PLCXD3: variants seen among roughly 807,000 people sequenced by gnomAD.
The protein encoded by PLCXD3 is PI-PLC X domain-containing protein 3.
A neutral mutation model predicts 25.5 loss-of-function variants in PLCXD3; 19 were observed. That is an observed-to-expected ratio of 0.75 (90% CI 0.52 to 1.09). The LOEUF is 1.09. Ranked by LOEUF, PLCXD3 falls within the 50% of genes least tolerant of loss-of-function variation. The pLI is 0.00. For synonymous variants in PLCXD3, 174 were observed against 137.6 expected (o/e 1.26, Z -1.85); for missense variants, 411 against 388.1 (o/e 1.06, Z -0.50).
chr5:41,414,950 G>C (rs766160481), intron 1 of PLCXD3, among the ~76,000 whole-genome samples: 2 of 152,172 alleles, frequency 1.3e-5, no homozygotes, highest in Non-Finnish European at 2.9e-5. Context: ...AATGATGCTG[G>C]TATATTGTTA....
chr5:41,446,125 T>G (rs1252366302), intron 1 of PLCXD3, among the ~76,000 whole-genome samples: 2 of 127,004 alleles, frequency 1.6e-5, no homozygotes, highest in African/African-American at 5.7e-5. Flanking sequence ...GAGGCGGAGC[T>G]TGCAGTGCGC....
rs1202787220 is a variant in PLCXD3, at chr5:41,312,733, C to T, written c.*884G>A. 7.8e-6 allele frequency: 1 copy of T among 128,704 alleles called. No homozygotes were observed. The highest frequency in any genetic ancestry group is 3.1e-5 in the African/African-American group (1 of 32,532). The allele number at this position is 128,704 out of a possible 1,614,324, so 8.0% of individuals were successfully genotyped here. ...CCTTCCTTCCTTCCTTCCTTCCTTCCTTCTGTCTTTTTCTTTCATCAAGAG... is the reference window on the plus strand; with the variant it reads ...CCTTCCTTCCTTCCTTCCTTCCTTCTTTCTGTCTTTTTCTTTCATCAAGAG... On this transcript the variant is annotated 3_prime_UTR_variant, in exon 3 of 3. Transcript: ENST00000377801.
At chr5:41,417,845 G>T (rs1307716370) in intron 1 of PLCXD3, among the ~76,000 whole-genome samples, 1 of 152,182 alleles carries the variant, frequency 6.6e-6, no homozygotes, top group African/African-American at 2.4e-5. Flanking sequence ...GCCTGAGGGG[G>T]TGTCTATGTT....
intron 1 of PLCXD3, among the ~76,000 whole-genome samples, chr5:41,451,683 C>A (rs962847054): frequency 6.6e-6 from 1 of 150,422 alleles, no homozygotes; most frequent in Non-Finnish European, 1.5e-5. Context: ...AATCCTTGGT[C>A]TCAGCAAAGA....
chr5:41,386,966 TAA>T (rs1554046775), intron 1 of PLCXD3, among the ~76,000 whole-genome samples: 1 of 22,632 alleles, frequency 4.4e-5, no homozygotes, highest in Non-Finnish European at 1.1e-4. Context: ...ATTAAAATCT[TAA>T]CTTTTTGTTA....
rs555640509 is a variant in PLCXD3 at position 41,482,728 on chromosome 5, A to C, written c.103+27696T>G. ...ACAGGGCAAAAGGTGTTTATGTCAA[A>C]AAACATTTTTAAAAATCTGACTAGG... On this transcript the variant is annotated intron_variant, in intron 1 of 2. Transcript: ENST00000377801. 2.6e-5 allele frequency among the ~76,000 whole-genome samples: 4 copies of C among 152,350 alleles called. No individual in the cohort carries two copies. The South Asian group carries it at 8.3e-4, about 32-fold the overall frequency.
intron 2 of PLCXD3, among the ~76,000 whole-genome samples, chr5:41,365,910 CATTTATTTATTTATTTATTTATTT>C (rs71608604): frequency 3.4e-5 from 5 of 147,526 alleles, no homozygotes; most frequent in African/African-American, 7.5e-5. Flanking sequence ...AATAGGTCAC[CATTTATTTATTTATTTATTTATTT>C]ATTTATTTAT....
intron 2 of PLCXD3, among the ~76,000 whole-genome samples, chr5:41,371,878 C>T (rs1448240633): frequency 6.6e-6 from 1 of 152,170 alleles, no homozygotes; most frequent in Non-Finnish European, 1.5e-5. Flanking sequence ...GAGATTTCCA[C>T]ATCTGGTCCA....
intron 1 of PLCXD3, among the ~76,000 whole-genome samples, chr5:41,502,259 G>A (rs1237171607): frequency 6.6e-6 from 1 of 152,106 alleles, no homozygotes; most frequent in Non-Finnish European, 1.5e-5. Flanking sequence ...GGGTTCAATG[G>A]TGGGAAACTG....
intron 1 of PLCXD3, among the ~76,000 whole-genome samples, chr5:41,473,317 G>A (rs1294095421): frequency 6.6e-6 from 1 of 151,978 alleles, no homozygotes; most frequent in East Asian, 1.9e-4. Context: ...ACAAAGTAAT[G>A]ACTTTCTCCC....
At position 41,312,086 on chromosome 5, in the gene PLCXD3, C is replaced by G. The variant is rs1267243044; in HGVS notation, c.*1531G>C. On this transcript the variant is annotated 3_prime_UTR_variant, in exon 3 of 3. Transcript: ENST00000377801. Reference sequence around the variant, plus strand: ...AAGTACATAGGCAAGGATTATTGTGCTCTAAGTTTTTTTTTTTTATTTTTT... The same window carrying G: ...AAGTACATAGGCAAGGATTATTGTGGTCTAAGTTTTTTTTTTTTATTTTTT... 2.7e-5 allele frequency: 4 copies of G among 148,498 alleles called. No individual in the cohort carries two copies. In the East Asian group the frequency reaches 8.3e-4, roughly 31 times the overall value. The allele number at this position is 148,498 out of a possible 1,614,324, so 9.2% of individuals were successfully genotyped here. A position where few individuals can be genotyped will look rare whatever the true frequency, so the allele number is the denominator to read the frequency against.
At chr5:41,397,846 T>A (rs1746057997) in intron 1 of PLCXD3, among the ~76,000 whole-genome samples, 1 of 152,222 alleles carries the variant, frequency 6.6e-6, no homozygotes, top group Non-Finnish European at 1.5e-5. Context: ...AGCTTTAAGA[T>A]ATAATGTCTA....
At chr5:41,453,607 A>G (rs532218802) in intron 1 of PLCXD3, among the ~76,000 whole-genome samples, 1 of 152,140 alleles carries the variant, frequency 6.6e-6, no homozygotes, top group South Asian at 2.1e-4. Flanking sequence ...TAAGTGTTTT[A>G]CAAAGTTGTT....
intron 1 of PLCXD3, among the ~76,000 whole-genome samples, chr5:41,493,280 G>A (rs535861447): frequency 1.2e-4 from 18 of 152,284 alleles, no homozygotes; most frequent in South Asian, 6.2e-4. Flanking sequence ...CTGTCTGATC[G>A]TTCCTCTGGG....
chr5:41,336,019 A>G (rs1561236530), intron 2 of PLCXD3, among the ~76,000 whole-genome samples: 1 of 152,128 alleles, frequency 6.6e-6, no homozygotes, highest in Non-Finnish European at 1.5e-5. Flanking sequence ...GTAAGTGAGT[A>G]TTTATCGACT....
At chr5:41,384,977 A>G (rs935764907) in intron 1 of PLCXD3, among the ~76,000 whole-genome samples, 4 of 152,280 alleles carry the variant, frequency 2.6e-5, no homozygotes, top group South Asian at 4.1e-4. Context: ...CAATAGATAC[A>G]AAACAGTATC....
chr5:41,329,289 T>C (rs1207049993), intron 2 of PLCXD3, among the ~76,000 whole-genome samples: 2 of 152,214 alleles, frequency 1.3e-5, no homozygotes, highest in African/African-American at 4.8e-5. Context: ...CTAGTCAGAA[T>C]TGTAATCGTA....
intron 2 of PLCXD3, among the ~76,000 whole-genome samples, chr5:41,332,350 C>T (rs375057729): frequency 6.6e-6 from 1 of 151,978 alleles, no homozygotes; most frequent in African/African-American, 2.4e-5. Context: ...AAAATGCTCA[C>T]CATCACTGGC....
At chr5:41,509,319 C>A (rs1208824028) in intron 1 of PLCXD3, among the ~76,000 whole-genome samples, 2 of 152,082 alleles carry the variant, frequency 1.3e-5, no homozygotes, top group Non-Finnish European at 2.9e-5. Flanking sequence ...TGCCCTCCAG[C>A]CCAGCTCTGA....
Sources: gnomAD v4.1 joint callset for allele counts (sites outside exome capture counted in the v4.1 genomes callset) on GRCh38, gnomAD v4.1.1 for gene constraint, MANE v1.5 for transcripts, NCBI Gene and HGNC (gene_info 2026-07-23, HGNC 2026-07-21) for gene names.